KCND3: variants seen among roughly 807,000 people sequenced by gnomAD.
KCND3 encodes potassium voltage-gated channel subfamily D member 3, also known as A-type voltage-gated potassium channel KCND3.
In KCND3, 9 loss-of-function variants were observed where a neutral mutation model predicts 51.1. That is an observed-to-expected ratio of 0.18 (90% CI 0.11 to 0.31). KCND3 has a LOEUF of 0.31. Ranked by LOEUF, KCND3 falls within the 10% of genes least tolerant of loss-of-function variation. The pLI is 1.00. For missense variants in KCND3, 526 were observed against 903.8 expected (o/e 0.58, Z 5.36); for synonymous variants, 349 against 368.0 (o/e 0.95, Z 0.59).
chr1:111,904,626 C>T (rs1460483571), intron 2 of KCND3, among the ~76,000 whole-genome samples: 1 of 152,146 alleles, frequency 6.6e-6, no homozygotes, highest in Non-Finnish European at 1.5e-5. Flanking sequence ...GAAAGGGCTC[C>T]CTCCTCCCCC....
chr1:111,877,242 C>T (rs72979278), intron 2 of KCND3, among the ~76,000 whole-genome samples: 4,089 of 152,292 alleles, frequency 0.027, 192 homozygotes, highest in African/African-American at 0.094. Context: ...CAGGGGCTTG[C>T]GAGTTGTCCT....
intron 2 of KCND3, among the ~76,000 whole-genome samples, chr1:111,950,370 C>A (rs58084624): frequency 6.6e-6 from 1 of 152,130 alleles, no homozygotes; most frequent in East Asian, 1.9e-4. Flanking sequence ...CACCACCTTC[C>A]GCCTGTCCTT....
intron 2 of KCND3, among the ~76,000 whole-genome samples, chr1:111,944,518 G>A (rs530048040): frequency 1.3e-4 from 20 of 152,314 alleles, no homozygotes; most frequent in South Asian, 4.2e-4. Context: ...GGTGAAGCCC[G>A]GCCAGCCATG....
chr1:111,937,467 C>G (rs1253608455), intron 2 of KCND3, among the ~76,000 whole-genome samples: 1 of 152,170 alleles, frequency 6.6e-6, no homozygotes, highest in Admixed American at 6.5e-5. Flanking sequence ...CCCACAGAGC[C>G]TGCTGGTTGT....
At chr1:111,799,951 C>T (rs11802664) in intron 2 of KCND3, among the ~76,000 whole-genome samples, 25,047 of 151,968 alleles carry the variant, frequency 0.16, 2,166 homozygotes, top group Admixed American at 0.22. Flanking sequence ...CCAGCCGCCC[C>T]GTCCGGGAGG....
At chr1:111,919,560 G>A (rs531344816) in intron 2 of KCND3, among the ~76,000 whole-genome samples, 4 of 152,250 alleles carry the variant, frequency 2.6e-5, no homozygotes, top group African/African-American at 9.6e-5. Flanking sequence ...TAGGAGAGGA[G>A]GCAGGGTCTC....
At chr1:111,852,995 G>C (rs1254569070) in intron 2 of KCND3, among the ~76,000 whole-genome samples, 1 of 152,162 alleles carries the variant, frequency 6.6e-6, no homozygotes. Flanking sequence ...ATGATTCTTA[G>C]AGTCATAGTA....
intron 2 of KCND3, among the ~76,000 whole-genome samples, chr1:111,898,218 T>C (rs1276263244): frequency 2.1e-5 from 3 of 144,018 alleles, no homozygotes; most frequent in African/African-American, 5.6e-5. Flanking sequence ...ACTCTATTCA[T>C]TTTAGCTCTT....
chr1:111,918,937 G>A (rs1221923140), intron 2 of KCND3, among the ~76,000 whole-genome samples: 1 of 151,882 alleles, frequency 6.6e-6, no homozygotes, highest in Non-Finnish European at 1.5e-5. Flanking sequence ...CCTGTAGAGG[G>A]GAGGCAGCTG....
At chr1:111,837,858 T>G (rs913282859) in intron 2 of KCND3, among the ~76,000 whole-genome samples, 1 of 151,930 alleles carries the variant, frequency 6.6e-6, no homozygotes, top group African/African-American at 2.4e-5. Flanking sequence ...ACACTGAGAG[T>G]GTTGAAGAGT....
rs772763381 is a variant in KCND3, at chr1:111,807,537, G to A, written c.1107-20431C>T. Among the ~76,000 whole-genome samples, 10 of 152,304 alleles carry A rather than the reference G, an allele frequency of 6.6e-5. No homozygotes were observed. In the Middle Eastern group the frequency reaches 0.01, roughly 155 times the overall value. On this transcript the variant is annotated intron_variant, in intron 2 of 7. Transcript: ENST00000302127. ...CAAAAAATACAAAAAATAGCTGTGT[G>A]TGGTGGCGGGGGCCTGTAATCCCAG...
At chr1:111,969,583 T>C (rs191913214) in intron 2 of KCND3, among the ~76,000 whole-genome samples, 23 of 152,332 alleles carry the variant, frequency 1.5e-4, no homozygotes, top group Admixed American at 1.3e-3. Flanking sequence ...CATATGGTTA[T>C]TGGGAGAGCA....
chr1:111,843,805 G>A (rs150088063), intron 2 of KCND3, among the ~76,000 whole-genome samples: 24 of 152,280 alleles, frequency 1.6e-4, no homozygotes, highest in African/African-American at 5.5e-4. Flanking sequence ...ATGTTATTTA[G>A]AGATACTGAA....
chr1:111,913,254 C>T (rs1229489693), intron 2 of KCND3, among the ~76,000 whole-genome samples: 1 of 152,164 alleles, frequency 6.6e-6, no homozygotes, highest in Non-Finnish European at 1.5e-5. Context: ...TACCATATAG[C>T]CTAGGTATGT....
At chr1:111,980,328 G>A (rs1314214586) in intron 2 of KCND3, among the ~76,000 whole-genome samples, 1 of 151,874 alleles carries the variant, frequency 6.6e-6, no homozygotes, top group African/African-American at 2.4e-5. Flanking sequence ...TTCACAAATG[G>A]ATGGTGACAC....
At chr1:111,794,931 G>A (rs960726099) in intron 2 of KCND3, among the ~76,000 whole-genome samples, 2 of 152,188 alleles carry the variant, frequency 1.3e-5, no homozygotes, top group African/African-American at 4.8e-5. Flanking sequence ...CACAGACCAG[G>A]TCCCTTTGAT....
At chr1:111,969,225 C>G (rs997249988) in intron 2 of KCND3, among the ~76,000 whole-genome samples, 2 of 152,182 alleles carry the variant, frequency 1.3e-5, no homozygotes, top group African/African-American at 4.8e-5. Flanking sequence ...TGACTCTGAC[C>G]TTCCCTTTGT....
intron 2 of KCND3, among the ~76,000 whole-genome samples, chr1:111,980,822 G>A (rs1004061246): frequency 2.0e-5 from 3 of 152,140 alleles, no homozygotes; most frequent in African/African-American, 2.4e-5. Flanking sequence ...GACCTCAGCT[G>A]GAGAGGAGAC....
chr1:111,869,053 C>T (rs1668716330), intron 2 of KCND3, among the ~76,000 whole-genome samples: 1 of 152,162 alleles, frequency 6.6e-6, no homozygotes, highest in East Asian at 1.9e-4. Context: ...TCCCCTTAAG[C>T]TCCACACCAT....
Sources: gnomAD v4.1 joint callset for allele counts (sites outside exome capture counted in the v4.1 genomes callset) on GRCh38, gnomAD v4.1.1 for gene constraint, MANE v1.5 for transcripts, NCBI Gene and HGNC (gene_info 2026-07-23, HGNC 2026-07-21) for gene names.